Variants in TENM2 observed in about 807,000 individuals in gnomAD.
TENM2 encodes teneurin-2.
Under a neutral mutation model 245.2 loss-of-function variants are expected in TENM2, and 52 were observed. The ratio of observed to expected loss-of-function variants is 0.21; its 90% CI spans 0.17 to 0.27. The LOEUF is 0.27. TENM2 is among the 10% of genes least tolerant of loss of function. The pLI is 1.00. For synonymous variants in TENM2, 1,363 were observed against 1,438.9 expected, an observed-to-expected ratio of 0.95 and a Z score of 1.19; for missense variants, 3,046 against 3,666.8, an observed-to-expected ratio of 0.83 and a Z score of 4.37.
intron 2 of TENM2, among the ~76,000 whole-genome samples, chr5:167,683,668 T>C (rs1261608996): frequency 6.6e-6 from 1 of 152,160 alleles, no homozygotes; most frequent in Non-Finnish European, 1.5e-5. Flanking sequence ...TTTATGTTTC[T>C]CTGAAAGGGG....
At chr5:168,249,812 T>G (rs1312493855) in intron 27 of TENM2, among the ~76,000 whole-genome samples, 1 of 151,880 alleles carries the variant, frequency 6.6e-6, no homozygotes, top group Non-Finnish European at 1.5e-5. Flanking sequence ...TGAGCTATGA[T>G]CATGACACTG....
chr5:167,350,468 G>T (rs1163949357), intron 1 of TENM2, among the ~76,000 whole-genome samples: 1 of 144,562 alleles, frequency 6.9e-6, no homozygotes, highest in Non-Finnish European at 1.5e-5. Flanking sequence ...ATATATATGG[G>T]GTATATGTAT....
rs368881390 is a variant in TENM2, at chr5:167,445,336, T to TATATAGAGAGAGAGAG, written c.502+69864_502+69865insTATAGAGAGAGAGAGA. Reference sequence around the variant, plus strand: ...TTATATATATATATATATATATATATAGAGAGAGAGAGAGAGAGAGAGAGA... The same window carrying TATATAGAGAGAGAGAG: ...TTATATATATATATATATATATATATATATAGAGAGAGAGAGAGAGAGAGAGAGAGAGAGAGAGAGA... On this transcript the variant is annotated intron_variant, in intron 2 of 28. Transcript: ENST00000518659. Among the ~76,000 whole-genome samples, 170 of 77,226 alleles carry TATATAGAGAGAGAGAG rather than the reference T, an allele frequency of 2.2e-3. 1 individual carries two copies. Among genetic ancestry groups the TATATAGAGAGAGAGAG allele is most frequent in the Non-Finnish European group, 3.5e-3 (142 of 41,104 alleles). The allele number at this position is 77,226 out of a possible 152,430, so 50.7% of individuals were successfully genotyped here. A position where few individuals can be genotyped will look rare whatever the true frequency, so the allele number is the denominator to read the frequency against.
At chr5:167,184,831 G>A in the TENM2 span, among the ~76,000 whole-genome samples, 1 of 152,160 alleles carries the variant, frequency 6.6e-6, no homozygotes, top group African/African-American at 2.4e-5. Context: ...GAGCACAAGA[G>A]TTAGAACCTA....
intron 12 of TENM2, among the ~76,000 whole-genome samples, chr5:168,158,827 G>GTATATATATATATA (rs1321504794): frequency 2.9e-5 from 2 of 69,492 alleles, no homozygotes; most frequent in Admixed American, 1.8e-4. Flanking sequence ...GTGTGTGTGT[G>GTATATATATATATA]TGTATATATA....
intron 2 of TENM2, among the ~76,000 whole-genome samples, chr5:167,419,067 A>G (rs1250336305): frequency 6.6e-6 from 1 of 152,196 alleles, no homozygotes; most frequent in Non-Finnish European, 1.5e-5. Context: ...TATACGTTTC[A>G]TATCATAAAA....
At chr5:167,452,929 A>AT (rs371899017) in intron 2 of TENM2, among the ~76,000 whole-genome samples, 22,406 of 67,182 alleles carry the variant, frequency 0.33, 3,038 homozygotes, top group Middle Eastern at 0.47. Flanking sequence ...TTAAAGTATG[A>AT]TTTATATATA....
intron 2 of TENM2, among the ~76,000 whole-genome samples, chr5:167,421,401 G>T (rs1004027361): frequency 6.6e-6 from 1 of 152,158 alleles, no homozygotes; most frequent in Non-Finnish European, 1.5e-5. Context: ...TAAATTAAGT[G>T]CCTATTAGAG....
the TENM2 span, among the ~76,000 whole-genome samples, chr5:167,124,439 A>G: frequency 6.6e-6 from 1 of 152,212 alleles, no homozygotes; most frequent in Non-Finnish European, 1.5e-5. Flanking sequence ...TTGATATAAA[A>G]TACAACCTTA....
rs530252142 is a variant in TENM2, at chr5:168,254,318, G to T, written c.7432+5947G>T. ...ACTTCTAAAGGAGGAGGGGTGTTGT[G>T]TTGTCTCAGAAATGCCTTCCGCAGC... On this transcript the variant is annotated intron_variant, in intron 27 of 28. Transcript: ENST00000518659. Among the ~76,000 whole-genome samples the T allele has an allele frequency of 3.3e-5, 5 of 152,308 alleles. No homozygotes were observed. In the South Asian group the frequency reaches 1.0e-3, roughly 32 times the overall value.
At chr5:167,748,065 T>C (rs1242487581) in intron 2 of TENM2, among the ~76,000 whole-genome samples, 1 of 152,214 alleles carries the variant, frequency 6.6e-6, no homozygotes, top group East Asian at 1.9e-4. Flanking sequence ...AATCTGCTTT[T>C]TGAACATGTA....
At chr5:167,690,784 A>C (rs186857568) in intron 2 of TENM2, among the ~76,000 whole-genome samples, 67 of 152,270 alleles carry the variant, frequency 4.4e-4, no homozygotes, top group African/African-American at 1.5e-3. Flanking sequence ...ACATTTTGTC[A>C]CCGCTTAAAA....
At chr5:167,555,691 G>T (rs2127630442) in intron 2 of TENM2, among the ~76,000 whole-genome samples, 1 of 152,174 alleles carries the variant, frequency 6.6e-6, no homozygotes, top group South Asian at 2.1e-4. Context: ...TCCTCCATTT[G>T]CTACTAAGAA....
the TENM2 span, among the ~76,000 whole-genome samples, chr5:167,165,876 G>A: frequency 5.9e-5 from 9 of 152,154 alleles, no homozygotes; most frequent in Non-Finnish European, 1.0e-4. Context: ...CAATTTGGGA[G>A]GACTGGGAAA....
chr5:168,208,406 G>A (rs1321680257), intron 19 of TENM2, among the ~76,000 whole-genome samples: 1 of 152,192 alleles, frequency 6.6e-6, no homozygotes, highest in Non-Finnish European at 1.5e-5. Flanking sequence ...CATTAGAGGA[G>A]ACCTTCAGAG....
chr5:168,120,553 T>G (rs557202640), intron 10 of TENM2, among the ~76,000 whole-genome samples: 1 of 152,232 alleles, frequency 6.6e-6, no homozygotes. Flanking sequence ...GAATCTCAAG[T>G]GATTTCTCAA....
chr5:167,341,610 T>C (rs1027500349), intron 1 of TENM2, among the ~76,000 whole-genome samples: 7 of 152,098 alleles, frequency 4.6e-5, no homozygotes, highest in Non-Finnish European at 1.0e-4. Flanking sequence ...TTTGTGATGA[T>C]TGAAAAAAAA....
chr5:167,679,223 T>A (rs1330980034), intron 2 of TENM2, among the ~76,000 whole-genome samples: 1 of 152,132 alleles, frequency 6.6e-6, no homozygotes, highest in Non-Finnish European at 1.5e-5. Context: ...ACTTATACAG[T>A]CTTCAAGATC....
chr5:167,988,672 G>A (rs1032858843), intron 4 of TENM2, among the ~76,000 whole-genome samples: 13 of 152,164 alleles, frequency 8.5e-5, no homozygotes, highest in African/African-American at 3.1e-4. Flanking sequence ...CAACAGAGGT[G>A]GAAGCTTCAG....
Sources: allele counts gnomAD v4.1 joint callset (sites outside exome capture counted in the v4.1 genomes callset), GRCh38; gene constraint gnomAD v4.1.1; transcripts MANE v1.5; gene names NCBI Gene and HGNC (gene_info 2026-07-23, HGNC 2026-07-21).